Variants in DSCAML1 observed in about 807,000 individuals in gnomAD.
DSCAML1 encodes DS cell adhesion molecule like 1, also known as cell adhesion molecule DSCAML1.
In DSCAML1, 38 loss-of-function variants were observed where a neutral mutation model predicts 200.5. That is an observed-to-expected ratio of 0.19 (90% CI 0.15 to 0.25). The LOEUF (loss-of-function observed/expected upper bound fraction) is 0.25. Ranked by LOEUF, DSCAML1 falls within the 10% of genes least tolerant of loss-of-function variation. The probability of loss-of-function intolerance (pLI) is 1.00; values close to 1 mark genes in which losing one functional copy is unlikely to be tolerated. For missense variants in DSCAML1, 2,223 were observed against 2,858.8 expected (o/e 0.78, Z 5.07); for synonymous variants, 1,215 against 1,165.0 (o/e 1.04, Z -0.87).
At chr11:117,725,370 C>T (rs1218003538) in intron 3 of DSCAML1, among the ~76,000 whole-genome samples, 5 of 152,148 alleles carry the variant, frequency 3.3e-5, no homozygotes, top group African/African-American at 1.2e-4. Context: ...AGAGTGACTC[C>T]ATCCACAGGA....
At chr11:117,603,763 C>A (rs1002128433) in intron 3 of DSCAML1, among the ~76,000 whole-genome samples, 1 of 152,066 alleles carries the variant, frequency 6.6e-6, no homozygotes, top group Non-Finnish European at 1.5e-5. Flanking sequence ...CTAAGAGATG[C>A]CAAAATTTTG....
chr11:117,575,706 C>A (rs1333963228), intron 3 of DSCAML1, among the ~76,000 whole-genome samples: 1 of 152,068 alleles, frequency 6.6e-6, no homozygotes, highest in Non-Finnish European at 1.5e-5. Flanking sequence ...GTGGTGCACA[C>A]CTGTGGTCCC....
At chr11:117,574,282 G>A (rs1271496760) in intron 3 of DSCAML1, among the ~76,000 whole-genome samples, 1 of 152,222 alleles carries the variant, frequency 6.6e-6, no homozygotes, top group Non-Finnish European at 1.5e-5. Flanking sequence ...TCCTAGAGAG[G>A]CCTGGTACTC....
intron 3 of DSCAML1, among the ~76,000 whole-genome samples, chr11:117,684,673 A>G (rs1280980711): frequency 1.3e-5 from 2 of 152,140 alleles, no homozygotes; most frequent in East Asian, 3.9e-4. Flanking sequence ...GTGTCTGTCT[A>G]ATGTAAAATG....
chr11:117,561,186 G>A (rs1186039535), intron 3 of DSCAML1, among the ~76,000 whole-genome samples: 1 of 152,226 alleles, frequency 6.6e-6, no homozygotes, highest in Non-Finnish European at 1.5e-5. Flanking sequence ...AGGGCAGTGG[G>A]AGGAGGACCT....
At chr11:117,621,590 C>T (rs1184659146) in intron 3 of DSCAML1, among the ~76,000 whole-genome samples, 2 of 152,186 alleles carry the variant, frequency 1.3e-5, no homozygotes, top group Admixed American at 1.3e-4. Context: ...TGTTAATGTA[C>T]TTGCATCTTG....
At chr11:117,483,156 G>A (rs1004254282) in intron 11 of DSCAML1, among the ~76,000 whole-genome samples, 1 of 152,178 alleles carries the variant, frequency 6.6e-6, no homozygotes, top group Non-Finnish European at 1.5e-5. Flanking sequence ...GGGGAAAAAT[G>A]GTCTCAGCTG....
At chr11:117,605,923 G>A (rs114646565) in intron 3 of DSCAML1, among the ~76,000 whole-genome samples, 539 of 152,222 alleles carry the variant, frequency 3.5e-3, no homozygotes, top group African/African-American at 0.012. Context: ...CCCCCTGGAT[G>A]GGTTGGAGAT....
At chr11:117,675,786 C>T (rs1565868125) in intron 3 of DSCAML1, among the ~76,000 whole-genome samples, 1 of 152,122 alleles carries the variant, frequency 6.6e-6, no homozygotes, top group Admixed American at 6.5e-5. Context: ...TGCTCTCATC[C>T]CTCATCCACC....
At chr11:117,536,150 T>A (rs1459957395) in intron 3 of DSCAML1, among the ~76,000 whole-genome samples, 1 of 152,044 alleles carries the variant, frequency 6.6e-6, no homozygotes, top group African/African-American at 2.4e-5. Context: ...AGGGGTATGA[T>A]GTTAGTCCCC....
intron 3 of DSCAML1, among the ~76,000 whole-genome samples, chr11:117,640,752 T>C: frequency 6.6e-6 from 1 of 152,186 alleles, no homozygotes; most frequent in East Asian, 1.9e-4. Context: ...CACACACAGG[T>C]CACTCTCCAG....
At chr11:117,605,577 C>A (rs1381056106) in intron 3 of DSCAML1, among the ~76,000 whole-genome samples, 1 of 152,176 alleles carries the variant, frequency 6.6e-6, no homozygotes, top group Non-Finnish European at 1.5e-5. Flanking sequence ...CGTTGTTGGA[C>A]TAGATTTCTC....
chr11:117,448,990 A>G (rs974134582), intron 20 of DSCAML1, among the ~76,000 whole-genome samples: 1 of 152,224 alleles, frequency 6.6e-6, no homozygotes, highest in Non-Finnish European at 1.5e-5. Context: ...GGCTAGCCCA[A>G]TGGATTAATA....
intron 3 of DSCAML1, among the ~76,000 whole-genome samples, chr11:117,541,586 T>C (rs2050269250): frequency 6.6e-6 from 1 of 152,200 alleles, no homozygotes; most frequent in East Asian, 1.9e-4. Context: ...TATTTCCTCT[T>C]TGGGCCACTT....
chr11:117,595,788 A>G (rs2137496397), intron 3 of DSCAML1, among the ~76,000 whole-genome samples: 1 of 152,274 alleles, frequency 6.6e-6, no homozygotes, highest in East Asian at 1.9e-4. Flanking sequence ...AAAAAAAAAA[A>G]AGTGACCTTT....
At chr11:117,624,844 T>C (rs1394367888) in intron 3 of DSCAML1, among the ~76,000 whole-genome samples, 1 of 151,956 alleles carries the variant, frequency 6.6e-6, no homozygotes, top group Non-Finnish European at 1.5e-5. Context: ...GGGGCACAGA[T>C]TAATTTGTGG....
chr11:117,809,941 AC>A (rs1245578731), intron 1 of DSCAML1, among the ~76,000 whole-genome samples: 1 of 142,250 alleles, frequency 7.0e-6, no homozygotes, highest in Admixed American at 7.0e-5. Context: ...ACGCATATTC[AC>A]ATACACACAT....
chr11:117,495,650 G>A (rs1161558808), intron 11 of DSCAML1, among the ~76,000 whole-genome samples: 2 of 151,890 alleles, frequency 1.3e-5, no homozygotes, highest in African/African-American at 2.4e-5. Flanking sequence ...GCCAGCATCC[G>A]GCTGCTCAGG....
chr11:117,542,353 CAA>C (rs200181397), intron 3 of DSCAML1, among the ~76,000 whole-genome samples: 4 of 150,678 alleles, frequency 2.7e-5, no homozygotes, highest in Non-Finnish European at 2.9e-5. Context: ...ACAACAACAA[CAA>C]AAAAAAAACA....
Sources: gnomAD v4.1 joint callset for allele counts (sites outside exome capture counted in the v4.1 genomes callset) on GRCh38, gnomAD v4.1.1 for gene constraint, MANE v1.5 for transcripts, NCBI Gene and HGNC (gene_info 2026-07-23, HGNC 2026-07-21) for gene names.